The following NUBPL variants were observed in gnomAD, a reference collection of about 807,000 sequenced individuals.
The protein encoded by NUBPL is NUBP iron-sulfur cluster assembly factor, mitochondrial, also known as iron-sulfur cluster transfer protein NUBPL.
In NUBPL, 31 loss-of-function variants were observed where a neutral mutation model predicts 45.7. The ratio of observed to expected loss-of-function variants is 0.68; its 90% CI spans 0.51 to 0.92. The LOEUF (loss-of-function observed/expected upper bound fraction) is 0.92, where lower values mean the gene tolerates loss of function less well. Among genes scored for constraint, NUBPL ranks in the 40% least tolerant of loss-of-function variants. The probability of loss-of-function intolerance (pLI) is 0.00; values close to 1 mark genes in which losing one functional copy is unlikely to be tolerated. For synonymous variants in NUBPL, 144 were observed against 140.9 expected, an observed-to-expected ratio of 1.02 and a Z score of -0.15; for missense variants, 401 against 398.7, an observed-to-expected ratio of 1.01 and a Z score of -0.05.
intron 10 of NUBPL, 108 bp downstream of exon 10, chr14:31,850,309 T>A: frequency 1.2e-6 from 1 of 821,492 alleles, no homozygotes; most frequent in Non-Finnish European, 2.0e-6. Context: ...CATATATATT[T>A]AAACAAGGAT....
chr14:31,565,118 T>G (rs998881801), intron 3 of NUBPL, 70 bp downstream of exon 3: 2 of 896,186 alleles, frequency 2.2e-6, no homozygotes, highest in Non-Finnish European at 1.8e-6. Context: ...AGCATATTGG[T>G]GTTTTTTATT....
intron 4 of NUBPL, among the ~76,000 whole-genome samples, chr14:31,661,489 CTTAA>C (rs2036267982): frequency 6.6e-6 from 1 of 152,170 alleles, no homozygotes; most frequent in Admixed American, 6.5e-5. Flanking sequence ...TAGAGTCTTT[CTTAA>C]TTAACTAAAA....
chr14:31,722,367 G>C (rs182173410), intron 6 of NUBPL, among the ~76,000 whole-genome samples: 6 of 152,250 alleles, frequency 3.9e-5, no homozygotes, highest in Non-Finnish European at 8.8e-5. Context: ...TTGATTCCAT[G>C]TCTTTGCTAT....
rs1394479053 is a variant in NUBPL at position 31,793,833 on chromosome 14, TTTTTTTTA to T, written c.607+5968_607+5975del. 3.7e-3 allele frequency among the ~76,000 whole-genome samples: 478 copies of T among 130,120 alleles called. 2 individuals carry two copies. Among genetic ancestry groups the T allele is most frequent in the Non-Finnish European group, 5.7e-3 (382 of 66,780 alleles). 85.4% of individuals were successfully genotyped at this position (130,120 alleles called of 152,430 possible). On this transcript the variant is annotated intron_variant, in intron 7 of 10. Transcript: ENST00000281081. ...ATTTGTGCCCCCTTATCTTTCTTTT[TTTTTTTTA>T]TTTTTTTTTTTATTTTTTCCCAATG... is the stretch of plus-strand genomic sequence containing the variant.
intron 4 of NUBPL, among the ~76,000 whole-genome samples, chr14:31,609,720 A>G (rs2034701081): frequency 6.6e-6 from 1 of 152,202 alleles, no homozygotes; most frequent in Non-Finnish European, 1.5e-5. Context: ...AATATCAAGC[A>G]TCTTCTCTGA....
At chr14:31,786,222 T>C (rs1488637114) in intron 6 of NUBPL, among the ~76,000 whole-genome samples, 1 of 152,176 alleles carries the variant, frequency 6.6e-6, no homozygotes, top group Non-Finnish European at 1.5e-5. Flanking sequence ...TTACATGTTA[T>C]TAAGTTTTAA....
In NUBPL at chr14:31,599,036, A is replaced by C. The variant is rs4981105; in HGVS notation, c.292-253A>C. Among the ~76,000 whole-genome samples the C allele has an allele frequency of 0.3, 46,127 of 152,106 alleles. 7,701 individuals are homozygous for C. The highest frequency in any genetic ancestry group is 0.41 in the South Asian group (1,968 of 4,814). On this transcript the variant is annotated intron_variant, in intron 3 of 10. Coordinates refer to ENST00000281081, the MANE Select transcript of NUBPL (RefSeq NM_025152.3). Reference sequence around the variant, plus strand: ...AGACCTGAACTACAATATGTAAAGCATATAGGATGGATTTCTCTATCAGTT... The same window carrying C: ...AGACCTGAACTACAATATGTAAAGCCTATAGGATGGATTTCTCTATCAGTT...
chr14:31,818,469 T>A (rs1268521637), intron 7 of NUBPL, among the ~76,000 whole-genome samples: 1 of 152,224 alleles, frequency 6.6e-6, no homozygotes, highest in Non-Finnish European at 1.5e-5. Context: ...TTAGGATGAT[T>A]TAGAACACCA....
chr14:31,729,287 C>CG (rs1566527560), intron 6 of NUBPL, among the ~76,000 whole-genome samples: 1 of 145,788 alleles, frequency 6.9e-6, no homozygotes, highest in African/African-American at 2.6e-5. Context: ...CCCCCCCCCC[C>CG]CAAAAAAAAA....
chr14:31,754,665 G>C (rs1335554427), intron 6 of NUBPL, among the ~76,000 whole-genome samples: 2 of 140,814 alleles, frequency 1.4e-5, no homozygotes, highest in African/African-American at 5.3e-5. Flanking sequence ...TTGCAGGCAA[G>C]CATATTAGGG....
rs537975464 is a variant in NUBPL at position 31,692,005 on chromosome 14, C to G, written c.513+18431C>G. 2.0e-5 allele frequency among the ~76,000 whole-genome samples: 3 copies of G among 151,864 alleles called. No individual in the cohort carries two copies. The South Asian group carries it at 6.3e-4, about 32-fold the overall frequency. On this transcript the variant is annotated intron_variant, in intron 6 of 10. Coordinates refer to ENST00000281081, the MANE Select transcript of NUBPL (RefSeq NM_025152.3). The stretch of plus-strand genomic sequence containing the variant: ...TGTTCATGAATGCATTTTGTGATGC[C>G]TTGGGAAAAAAGCATGTCAGGATAT...
intron 6 of NUBPL, among the ~76,000 whole-genome samples, chr14:31,782,497 A>G (rs1457040230): frequency 6.6e-6 from 1 of 152,168 alleles, no homozygotes. Context: ...TTTATTAAAA[A>G]CATAGAAATC....
intron 6 of NUBPL, among the ~76,000 whole-genome samples, chr14:31,698,294 T>A (rs1304824843): frequency 6.6e-6 from 1 of 152,200 alleles, no homozygotes; most frequent in African/African-American, 2.4e-5. Flanking sequence ...TAATACTGAT[T>A]GAATTGTATT....
intron 6 of NUBPL, among the ~76,000 whole-genome samples, chr14:31,754,849 T>A (rs1316647076): frequency 9.6e-4 from 55 of 57,376 alleles, no homozygotes; most frequent in African/African-American, 3.3e-3. Context: ...CCCTCCCCCC[T>A]CCCCCCACCC....
At chr14:31,758,318 C>T (rs1367315) in intron 6 of NUBPL, among the ~76,000 whole-genome samples, 72,525 of 152,062 alleles carry the variant, frequency 0.48, 18,428 homozygotes, top group African/African-American at 0.67. Context: ...TAATATATAA[C>T]ATCAGCAATA....
chr14:31,676,402 G>A (rs2036699937), intron 6 of NUBPL, among the ~76,000 whole-genome samples: 2 of 151,904 alleles, frequency 1.3e-5, no homozygotes, highest in South Asian at 4.2e-4. Context: ...TATAATAGTA[G>A]TTGGGTCTTC....
chr14:31,643,887 A>G (rs2035773937), intron 4 of NUBPL, among the ~76,000 whole-genome samples: 1 of 152,048 alleles, frequency 6.6e-6, no homozygotes, highest in Non-Finnish European at 1.5e-5. Context: ...GTATGTGTCC[A>G]GCAATTTATC....
At chr14:31,600,404 G>C (rs1370489842) in intron 4 of NUBPL, among the ~76,000 whole-genome samples, 1 of 152,084 alleles carries the variant, frequency 6.6e-6, no homozygotes, top group Non-Finnish European at 1.5e-5. Flanking sequence ...CATTCAGACT[G>C]GGACCATACA....
At chr14:31,591,845 GTTCA>G (rs901272718) in intron 3 of NUBPL, among the ~76,000 whole-genome samples, 6 of 152,092 alleles carry the variant, frequency 3.9e-5, no homozygotes, top group African/African-American at 1.4e-4. Context: ...ATGGAGGTTT[GTTCA>G]TTCATTTATT....
Sources: gnomAD v4.1 joint callset for allele counts (sites outside exome capture counted in the v4.1 genomes callset) on GRCh38, gnomAD v4.1.1 for gene constraint, MANE v1.5 for transcripts, NCBI Gene and HGNC (gene_info 2026-07-23, HGNC 2026-07-21) for gene names.